Variants in RASAL2 observed in about 807,000 individuals in gnomAD.
RASAL2 encodes RAS protein activator like 2, also known as ras GTPase-activating protein nGAP.
Under a neutral mutation model 128.9 loss-of-function variants are expected in RASAL2, and 58 were observed. The ratio of observed to expected loss-of-function variants is 0.45; its 90% CI spans 0.36 to 0.56. RASAL2 has a LOEUF of 0.56. Ranked by LOEUF, RASAL2 falls within the 20% of genes least tolerant of loss-of-function variation. RASAL2 has a pLI of 0.00. For synonymous variants in RASAL2, 561 were observed against 580.8 expected, an observed-to-expected ratio of 0.97 and a Z score of 0.49; for missense variants, 1,360 against 1,601.6, an observed-to-expected ratio of 0.85 and a Z score of 2.57.
chr1:178,285,445 T>C (rs374633867), intron 2 of RASAL2, among the ~76,000 whole-genome samples: 6 of 152,324 alleles, frequency 3.9e-5, no homozygotes, highest in African/African-American at 1.4e-4. Flanking sequence ...AAGAGGCTTG[T>C]TAATATGCCT....
At position 178,285,103 on chromosome 1, in the gene RASAL2, CTTTTTTTTTTTT is replaced by C. The variant is rs58901015; in HGVS notation, c.330+1429_330+1440del. ...GTATTTTAATAGGCATTGCTACTTTCTTTTTTTTTTTTTTTTTTTTTTTTTTTTGAGACGGAG... is the reference window on the plus strand; with the variant it reads ...GTATTTTAATAGGCATTGCTACTTTCTTTTTTTTTTTTTTTTGAGACGGAG... On this transcript the variant is annotated intron_variant, in intron 2 of 17. Coordinates refer to ENST00000367649, the MANE Select transcript of RASAL2 (RefSeq NM_170692.4). Among the ~76,000 whole-genome samples, 14 of 81,936 alleles carry C rather than the reference CTTTTTTTTTTTT, an allele frequency of 1.7e-4. 1 individual carries two copies. In the East Asian group the frequency reaches 1.7e-3, roughly 10 times the overall value. 53.8% of individuals were successfully genotyped at this position (81,936 alleles called of 152,430 possible). A position where few individuals can be genotyped will look rare whatever the true frequency, so the allele number is the denominator to read the frequency against.
chr1:178,163,582 C>T (rs1279324910), intron 1 of RASAL2, among the ~76,000 whole-genome samples: 1 of 152,112 alleles, frequency 6.6e-6, no homozygotes, highest in Non-Finnish European at 1.5e-5. Flanking sequence ...GTCTTGGCCC[C>T]TGTGTCAAAA....
At chr1:178,149,840 C>G (rs1198233524) in intron 1 of RASAL2, among the ~76,000 whole-genome samples, 1 of 152,070 alleles carries the variant, frequency 6.6e-6, no homozygotes, top group African/African-American at 2.4e-5. Context: ...ACTTAATTAT[C>G]TGTTGTTTGA....
intron 3 of RASAL2, chr1:178,372,312 G>C: frequency 2.0e-6 from 2 of 985,416 alleles, no homozygotes; most frequent in Non-Finnish European, 2.4e-6. Flanking sequence ...AGAGCCTTCT[G>C]TCATTTCTGG....
intron 1 of RASAL2, among the ~76,000 whole-genome samples, chr1:178,275,988 T>A (rs532966199): frequency 2.6e-5 from 4 of 152,344 alleles, no homozygotes; most frequent in Admixed American, 2.6e-4. Flanking sequence ...TTTATGGTAA[T>A]GTAAGGATTA....
At chr1:178,468,840 A>G (rs1297469412) in intron 17 of RASAL2, among the ~76,000 whole-genome samples, 1 of 152,218 alleles carries the variant, frequency 6.6e-6, no homozygotes, top group Non-Finnish European at 1.5e-5. Context: ...CAGCCTGGAT[A>G]AATAAGGCAA....
At chr1:178,167,931 G>A (rs73051420) in intron 1 of RASAL2, among the ~76,000 whole-genome samples, 4,304 of 152,138 alleles carry the variant, frequency 0.028, 77 homozygotes, top group East Asian at 0.088. Context: ...TTAAGGGGGA[G>A]TGCAAGGTTT....
intron 1 of RASAL2, among the ~76,000 whole-genome samples, chr1:178,238,596 ATG>A (rs1165661466): frequency 2.6e-5 from 4 of 151,808 alleles, no homozygotes; most frequent in African/African-American, 9.7e-5. Context: ...TTCTGTGTGT[ATG>A]TGTGTATATA....
intron 3 of RASAL2, among the ~76,000 whole-genome samples, chr1:178,367,987 C>T (rs555376469): frequency 1.3e-5 from 2 of 152,222 alleles, no homozygotes; most frequent in East Asian, 3.9e-4. Flanking sequence ...TGTATTGGAA[C>T]ACAGCCATGC....
At position 178,476,537 on chromosome 1, in the gene RASAL2, C is replaced by T. The variant is rs113569581; in HGVS notation, c.*3298C>T. On this transcript the variant is annotated 3_prime_UTR_variant, in exon 18 of 18. Coordinates refer to ENST00000367649, the MANE Select transcript of RASAL2 (RefSeq NM_170692.4). Reference sequence around the variant, plus strand: ...GAAAAATGTGGTAAAATGAGGTAATCATGCTGCTATAGCTTTTTGCTTTTT... The same window carrying T: ...GAAAAATGTGGTAAAATGAGGTAATTATGCTGCTATAGCTTTTTGCTTTTT... 1 of 152,314 alleles carries T rather than the reference C, an allele frequency of 6.6e-6. No homozygotes were observed. Among genetic ancestry groups the T allele is most frequent in the African/African-American group, 2.4e-5 (1 of 41,572 alleles). 9.4% of individuals were successfully genotyped at this position (152,314 alleles called of 1,614,324 possible).
chr1:178,271,316 TTTAC>T (rs1311866494), intron 1 of RASAL2, among the ~76,000 whole-genome samples: 1 of 152,216 alleles, frequency 6.6e-6, no homozygotes, highest in African/African-American at 2.4e-5. Context: ...TAAACTTTTA[TTTAC>T]TTTTTATTTC....
chr1:178,371,355 T>TACACAC lies in RASAL2; in HGVS notation c.458-18728_458-18723dup, dbSNP rs766584516. 2.5e-3 allele frequency among the ~76,000 whole-genome samples: 323 copies of TACACAC among 127,758 alleles called. 1 individual carries two copies. The highest frequency in any genetic ancestry group is 9.1e-3 in the African/African-American group (299 of 32,876). 83.8% of individuals were successfully genotyped at this position (127,758 alleles called of 152,430 possible). On this transcript the variant is annotated intron_variant, in intron 3 of 17. Coordinates refer to ENST00000367649, the MANE Select transcript of RASAL2 (RefSeq NM_170692.4). ...ACACACACACACACACACACACAAA[T>TACACAC]ACACACACACACACACACACACTTC...
At chr1:178,240,421 G>A (rs896158732) in intron 1 of RASAL2, among the ~76,000 whole-genome samples, 11 of 151,788 alleles carry the variant, frequency 7.2e-5, no homozygotes, top group Admixed American at 5.3e-4. Context: ...TACCAATAAA[G>A]AACATTCATT....
intron 1 of RASAL2, among the ~76,000 whole-genome samples, chr1:178,146,222 C>T (rs753271627): frequency 1.4e-4 from 22 of 152,300 alleles, no homozygotes; most frequent in Non-Finnish European, 3.1e-4. Flanking sequence ...AAAGGTACTT[C>T]TGGAAAATAA....
intron 2 of RASAL2, among the ~76,000 whole-genome samples, chr1:178,290,069 A>G (rs1451251296): frequency 1.3e-5 from 2 of 152,134 alleles, no homozygotes; most frequent in African/African-American, 2.4e-5. Context: ...TATATTTTTT[A>G]TAGCATTTGC....
At chr1:178,163,337 T>A (rs942999683) in intron 1 of RASAL2, among the ~76,000 whole-genome samples, 6 of 152,190 alleles carry the variant, frequency 3.9e-5, no homozygotes, top group Admixed American at 1.3e-4. Context: ...TTCTTTTTTC[T>A]TACCTGTGCT....
At chr1:178,363,376 A>G (rs6688546) in intron 3 of RASAL2, among the ~76,000 whole-genome samples, 37,955 of 151,972 alleles carry the variant, frequency 0.25, 7,553 homozygotes, top group African/African-American at 0.55. Flanking sequence ...TTGGCATTGC[A>G]TCGTTATATA....
chr1:178,443,608 C>A (rs1050192932), intron 8 of RASAL2, among the ~76,000 whole-genome samples: 2 of 152,098 alleles, frequency 1.3e-5, no homozygotes. Flanking sequence ...TTAAGTTTAA[C>A]TGATGACTGT....
At chr1:178,467,449 G>C in intron 17 of RASAL2, 28 bp downstream of exon 17, 1 of 1,584,354 alleles carries the variant, frequency 6.3e-7, no homozygotes, top group African/African-American at 1.3e-5. Flanking sequence ...CTAATAGAAG[G>C]CACTTGTTTA....
Sources: allele counts gnomAD v4.1 joint callset (sites outside exome capture counted in the v4.1 genomes callset), GRCh38; gene constraint gnomAD v4.1.1; transcripts MANE v1.5; gene names NCBI Gene and HGNC (gene_info 2026-07-23, HGNC 2026-07-21).